The following NKAIN2 variants were observed in gnomAD, a reference collection of about 807,000 sequenced individuals.
NKAIN2 encodes sodium/potassium-transporting ATPase subunit beta-1-interacting protein 2.
Under a neutral mutation model 32.6 loss-of-function variants are expected in NKAIN2, and 14 were observed. The ratio of observed to expected loss-of-function variants is 0.43; its 90% confidence interval spans 0.28 to 0.67. The LOEUF (loss-of-function observed/expected upper bound fraction) is 0.67, where lower values mean the gene tolerates loss of function less well. Ranked by LOEUF, NKAIN2 falls within the 30% of genes least tolerant of loss-of-function variation. The pLI, the probability that NKAIN2 is intolerant of heterozygous loss-of-function variation, is 0.17. For synonymous variants in NKAIN2, 80 were observed against 87.2 expected, an observed-to-expected ratio of 0.92 and a Z score of 0.46; for missense variants, 198 against 258.3, an observed-to-expected ratio of 0.77 and a Z score of 1.60.
intron 3 of NKAIN2, among the ~76,000 whole-genome samples, chr6:124,421,350 A>C (rs1207473158): frequency 6.6e-6 from 1 of 152,188 alleles, no homozygotes; most frequent in Non-Finnish European, 1.5e-5. Flanking sequence ...TTAACCTCCA[A>C]GTAAGGAATT....
rs189018384 is a variant in NKAIN2 at position 124,459,480 on chromosome 6, A to T, written c.273+104133A>T. ...AAAATCTTGTTCTGTCATGAATATA[A>T]GCTGAGTGTAATCACAAATGACAGC... On this transcript the variant is annotated intron_variant, in intron 3 of 6. Transcript: ENST00000368417. 2.2e-3 allele frequency among the ~76,000 whole-genome samples: 337 copies of T among 152,054 alleles called. 1 individual carries two copies. Among genetic ancestry groups the T allele is most frequent in the African/African-American group, 7.6e-3 (317 of 41,530 alleles).
At chr6:124,686,213 AG>A (rs1773871576) in intron 4 of NKAIN2, among the ~76,000 whole-genome samples, 1 of 152,182 alleles carries the variant, frequency 6.6e-6, no homozygotes, top group African/African-American at 2.4e-5. Flanking sequence ...TCTGCAAGCA[AG>A]GGAAAGACTC....
intron 1 of NKAIN2, among the ~76,000 whole-genome samples, chr6:124,157,250 G>GACAC (rs772415964): frequency 0.019 from 2,087 of 109,872 alleles, 48 homozygotes; most frequent in South Asian, 0.1. Flanking sequence ...TGTCATAATG[G>GACAC]ACACACACAC....
At chr6:123,954,338 A>G (rs1301946884) in intron 1 of NKAIN2, among the ~76,000 whole-genome samples, 3 of 152,190 alleles carry the variant, frequency 2.0e-5, no homozygotes, top group African/African-American at 4.8e-5. Flanking sequence ...TTTTGGGGCC[A>G]TCAGGGCCTA....
chr6:124,416,022 A>T (rs1489492686), intron 3 of NKAIN2, among the ~76,000 whole-genome samples: 1 of 151,570 alleles, frequency 6.6e-6, no homozygotes, highest in East Asian at 1.9e-4. Flanking sequence ...TTAAAATTTA[A>T]GTTTATTGCA....
intron 1 of NKAIN2, among the ~76,000 whole-genome samples, chr6:123,819,861 A>G (rs1211792046): frequency 6.6e-6 from 1 of 152,228 alleles, no homozygotes; most frequent in Non-Finnish European, 1.5e-5. Context: ...GAGTTTGTTC[A>G]TTGCTTCACA....
chr6:124,136,522 G>A (rs559325285), intron 1 of NKAIN2, among the ~76,000 whole-genome samples: 13 of 152,056 alleles, frequency 8.5e-5, no homozygotes, highest in South Asian at 4.1e-4. Context: ...CAGTATTATC[G>A]TTAATACCAA....
chr6:124,657,419 G>C (rs996926988), intron 3 of NKAIN2, among the ~76,000 whole-genome samples: 1 of 152,138 alleles, frequency 6.6e-6, no homozygotes, highest in Non-Finnish European at 1.5e-5. Flanking sequence ...AGTTGGCATA[G>C]GTGATTGCAA....
chr6:123,954,269 G>A (rs963235895), intron 1 of NKAIN2, among the ~76,000 whole-genome samples: 11 of 152,196 alleles, frequency 7.2e-5, no homozygotes, highest in Admixed American at 5.2e-4. Flanking sequence ...GGGATACAGC[G>A]TGAGCTCCCT....
chr6:124,577,699 T>G (rs1381031599), intron 3 of NKAIN2, among the ~76,000 whole-genome samples: 1 of 151,888 alleles, frequency 6.6e-6, no homozygotes, highest in Non-Finnish European at 1.5e-5. Flanking sequence ...GATTTAGGGG[T>G]ATGCAACCTA....
chr6:124,197,161 T>C (rs950977635), intron 1 of NKAIN2, among the ~76,000 whole-genome samples: 5 of 152,024 alleles, frequency 3.3e-5, no homozygotes, highest in South Asian at 4.1e-4. Flanking sequence ...CTTTGTCTGC[T>C]ATTTCCATCT....
chr6:124,093,509 A>G (rs1733586169), intron 1 of NKAIN2, among the ~76,000 whole-genome samples: 2 of 152,154 alleles, frequency 1.3e-5, no homozygotes, highest in Admixed American at 6.5e-5. Flanking sequence ...AACAAATGTT[A>G]ATTGTTGTTA....
chr6:124,112,133 A>G (rs1785414097), intron 1 of NKAIN2, among the ~76,000 whole-genome samples: 2 of 152,054 alleles, frequency 1.3e-5, no homozygotes, highest in African/African-American at 4.8e-5. Flanking sequence ...ATTTGTGTAT[A>G]TATTTACTTT....
rs113760567 is a variant in NKAIN2, at chr6:124,127,064, T to G, written c.55-155941T>G. Among the ~76,000 whole-genome samples, 866 of 152,054 alleles carry G rather than the reference T, an allele frequency of 5.7e-3. 7 individuals are homozygous for G. The highest frequency in any genetic ancestry group is 0.016 in the African/African-American group (643 of 41,420). On this transcript the variant is annotated intron_variant, in intron 1 of 6. Transcript: ENST00000368417. ...TCTGAATTAGAATAATACATATATA[T>G]ATAGAGAGAGAGAGAAGAAAATGTT...
At chr6:124,511,453 A>G (rs895673651) in intron 3 of NKAIN2, among the ~76,000 whole-genome samples, 1 of 152,152 alleles carries the variant, frequency 6.6e-6, no homozygotes, top group African/African-American at 2.4e-5. Flanking sequence ...ATGAGAGCAC[A>G]AGGCAATTAA....
At chr6:123,974,004 CTT>C (rs905987278) in intron 1 of NKAIN2, among the ~76,000 whole-genome samples, 3 of 152,004 alleles carry the variant, frequency 2.0e-5, no homozygotes, top group Non-Finnish European at 4.4e-5. Context: ...AGACACGAAA[CTT>C]TTATATTTTA....
At chr6:124,030,734 C>T (rs1456425871) in intron 1 of NKAIN2, among the ~76,000 whole-genome samples, 1 of 152,130 alleles carries the variant, frequency 6.6e-6, no homozygotes, top group Admixed American at 6.6e-5. Context: ...TGAACATACT[C>T]TTATGTATTT....
chr6:124,559,849 T>G (rs1780622419), intron 3 of NKAIN2, among the ~76,000 whole-genome samples: 2 of 143,256 alleles, frequency 1.4e-5, no homozygotes, highest in African/African-American at 5.2e-5. Flanking sequence ...TTTTTTTTTT[T>G]TTTTTTTTTT....
chr6:124,674,463 TTA>T (rs1773262270), intron 4 of NKAIN2, among the ~76,000 whole-genome samples: 1 of 152,050 alleles, frequency 6.6e-6, no homozygotes, highest in South Asian at 2.1e-4. Flanking sequence ...ATTAACATTT[TTA>T]AGAATAGTAA....
Sources: gnomAD v4.1 joint callset for allele counts (sites outside exome capture counted in the v4.1 genomes callset) on GRCh38, gnomAD v4.1.1 for gene constraint, MANE v1.5 for transcripts, NCBI Gene and HGNC (gene_info 2026-07-23, HGNC 2026-07-21) for gene names.